The following ATXN7L1 variants were observed in gnomAD, a reference collection of about 807,000 sequenced individuals.
ATXN7L1 encodes the protein ataxin 7 like 1.
In ATXN7L1, 15 loss-of-function variants were observed where a neutral mutation model predicts 70.8. The observed-to-expected ratio is 0.21, with a 90% CI of 0.14 to 0.33. ATXN7L1 has a LOEUF of 0.33. ATXN7L1 is among the 10% of genes least tolerant of loss of function. ATXN7L1 has a pLI of 1.00. For missense variants in ATXN7L1, 975 were observed against 1,097.1 expected (o/e 0.89, Z 1.57); for synonymous variants, 440 against 445.1 (o/e 0.99, Z 0.14).
At chr7:105,719,638 G>A (rs1195194399) in intron 3 of ATXN7L1, among the ~76,000 whole-genome samples, 1 of 152,136 alleles carries the variant, frequency 6.6e-6, no homozygotes, top group African/African-American at 2.4e-5. Flanking sequence ...CAGAGAAGCG[G>A]ACTAAGCCTA....
At chr7:105,699,216 T>TGTG (rs1792131179) in intron 3 of ATXN7L1, among the ~76,000 whole-genome samples, 1 of 152,130 alleles carries the variant, frequency 6.6e-6, no homozygotes, top group Admixed American at 6.6e-5. Flanking sequence ...CACTGCTATC[T>TGTG]CTGCCTCCCA....
chr7:105,849,479 C>G (rs1377455733), intron 2 of ATXN7L1, among the ~76,000 whole-genome samples: 1 of 152,238 alleles, frequency 6.6e-6, no homozygotes, highest in Non-Finnish European at 1.5e-5. Flanking sequence ...AGAAGATGTG[C>G]TGCTCATGGG....
intron 3 of ATXN7L1, among the ~76,000 whole-genome samples, chr7:105,688,415 T>C (rs1790258003): frequency 6.6e-6 from 1 of 152,110 alleles, no homozygotes; most frequent in Non-Finnish European, 1.5e-5. Flanking sequence ...TGGTGGCACA[T>C]GCCTGTAGCC....
intron 3 of ATXN7L1, among the ~76,000 whole-genome samples, chr7:105,729,414 G>C (rs997719956): frequency 1.4e-5 from 2 of 146,840 alleles, no homozygotes; most frequent in South Asian, 4.3e-4. Context: ...AGGCATGGAA[G>C]CATAAATCCC....
chr7:105,648,936 G>A (rs1356413862), intron 4 of ATXN7L1, among the ~76,000 whole-genome samples: 1 of 139,304 alleles, frequency 7.2e-6, no homozygotes, highest in Non-Finnish European at 1.5e-5. Flanking sequence ...ATGTGCAGGT[G>A]GTGAGACCTG....
chr7:105,623,281 G>C (rs1562908564), intron 8 of ATXN7L1, among the ~76,000 whole-genome samples: 1 of 152,196 alleles, frequency 6.6e-6, no homozygotes, highest in Non-Finnish European at 1.5e-5. Context: ...GCAGGACTCA[G>C]GCTGGCACCA....
intron 4 of ATXN7L1, among the ~76,000 whole-genome samples, chr7:105,663,703 G>T (rs962532893): frequency 2.6e-5 from 4 of 152,178 alleles, no homozygotes; most frequent in Non-Finnish European, 5.9e-5. Flanking sequence ...CTTTTCCACA[G>T]GCAACCTTTT....
At chr7:105,616,005 AT>A in intron 9 of ATXN7L1, among the ~76,000 whole-genome samples, 1 of 152,280 alleles carries the variant, frequency 6.6e-6, no homozygotes, top group East Asian at 1.9e-4. Flanking sequence ...TTTGTTCGTG[AT>A]TTTGCAGGAA....
chr7:105,617,431 C>T (rs971383513), intron 9 of ATXN7L1, among the ~76,000 whole-genome samples: 1 of 152,168 alleles, frequency 6.6e-6, no homozygotes, highest in Admixed American at 6.5e-5. Context: ...TAAATCTTAA[C>T]CTGGCTGACA....
intron 3 of ATXN7L1, among the ~76,000 whole-genome samples, chr7:105,783,698 A>C (rs1803863668): frequency 6.6e-6 from 1 of 152,146 alleles, no homozygotes; most frequent in South Asian, 2.1e-4. Flanking sequence ...TCACCCTATT[A>C]TCTCTGACTG....
chr7:105,711,402 CAAGGT>C (rs1364445428), intron 3 of ATXN7L1, among the ~76,000 whole-genome samples: 2 of 152,214 alleles, frequency 1.3e-5, no homozygotes, highest in Non-Finnish European at 2.9e-5. Flanking sequence ...TCATCTGAGA[CAAGGT>C]AAGTCCCTTT....
At chr7:105,725,552 A>G (rs1795702240) in intron 3 of ATXN7L1, among the ~76,000 whole-genome samples, 1 of 151,300 alleles carries the variant, frequency 6.6e-6, no homozygotes, top group South Asian at 2.1e-4. Context: ...TGGGAAGCAC[A>G]TACATTGCGA....
At chr7:105,662,078 CCTTCTTTCTTTTCT>C (rs1562967713) in intron 4 of ATXN7L1, among the ~76,000 whole-genome samples, 170 of 85,966 alleles carry the variant, frequency 2.0e-3, no homozygotes, top group African/African-American at 5.4e-3. Flanking sequence ...TTCCTTCCTT[CCTTCTTTCTTTTCT>C]TTTCTTTTCT....
At chr7:105,873,761 A>G (rs982528785) in intron 2 of ATXN7L1, among the ~76,000 whole-genome samples, 39 of 152,346 alleles carry the variant, frequency 2.6e-4, no homozygotes, top group Middle Eastern at 3.4e-3. Context: ...TTTATAGGAC[A>G]AAGGACCTAA....
chr7:105,765,928 G>C (rs184646095), intron 3 of ATXN7L1, among the ~76,000 whole-genome samples: 52 of 152,074 alleles, frequency 3.4e-4, no homozygotes, highest in Admixed American at 3.3e-4. Context: ...GGATGAACTT[G>C]AACTGATCCA....
intron 10 of ATXN7L1, among the ~76,000 whole-genome samples, chr7:105,611,891 T>C (rs971593590): frequency 5.3e-5 from 8 of 152,142 alleles, no homozygotes; most frequent in Non-Finnish European, 1.2e-4. Flanking sequence ...AAATCACCAG[T>C]GATAAAGCCT....
At chr7:105,797,084 T>C (rs1274705133) in intron 2 of ATXN7L1, among the ~76,000 whole-genome samples, 1 of 152,124 alleles carries the variant, frequency 6.6e-6, no homozygotes, top group Non-Finnish European at 1.5e-5. Context: ...AGCGGTGAGC[T>C]CTCCAGCATC....
chr7:105,616,820 A>G (rs1308407948), intron 9 of ATXN7L1, among the ~76,000 whole-genome samples: 2 of 152,200 alleles, frequency 1.3e-5, no homozygotes. Context: ...GGAACCTCCC[A>G]ACTTTCCTGC....
chr7:105,670,773 C>T (rs1224141505), intron 3 of ATXN7L1, among the ~76,000 whole-genome samples: 1 of 152,008 alleles, frequency 6.6e-6, no homozygotes, highest in Non-Finnish European at 1.5e-5. Flanking sequence ...ACCACCCTAG[C>T]CAACATGGTG....
Sources: gnomAD v4.1 joint callset for allele counts (sites outside exome capture counted in the v4.1 genomes callset) on GRCh38, gnomAD v4.1.1 for gene constraint, MANE v1.5 for transcripts, NCBI Gene and HGNC (gene_info 2026-07-23, HGNC 2026-07-21) for gene names.